The following LIPA variants were observed in gnomAD, a reference collection of about 807,000 sequenced individuals.
The protein encoded by LIPA is lipase A, lysosomal acid type, also known as lysosomal acid lipase/cholesteryl ester hydrolase.
LIPA carries 26 observed loss-of-function variants against 40.6 expected under a neutral mutation model. That is an observed-to-expected ratio of 0.64 (90% CI 0.47 to 0.89). The LOEUF is 0.89. Ranked by LOEUF, LIPA falls within the 40% of genes least tolerant of loss-of-function variation. The pLI, the probability that LIPA is intolerant of heterozygous loss-of-function variation, is 0.00. For missense variants in LIPA, 455 were observed against 479.6 expected, an observed-to-expected ratio of 0.95 and a Z score of 0.48; for synonymous variants, 188 against 168.4, an observed-to-expected ratio of 1.12 and a Z score of -0.90.
At chr10:89,254,092 G>A (rs1843168821), upstream of LIPA, among the ~76,000 whole-genome samples, 1 of 152,192 alleles carries the variant, frequency 6.6e-6, no homozygotes, top group South Asian at 2.1e-4. Flanking sequence ...CTACCATTCT[G>A]GGGTCTGGAG....
At chr10:89,339,181 C>G in intron 1 of LIPA, 1 of 1,614,170 alleles carries the variant, frequency 6.2e-7, no homozygotes, top group Non-Finnish European at 8.5e-7. Context: ...CTCCTCTGGA[C>G]TGGCAATTGC....
rs565296927 is a variant in LIPA, at chr10:89,387,317, C to CAAAAA, written c.61+25469_61+25473dup. On this transcript the variant is annotated intron_variant, in intron 2 of 8. Coordinates refer to the LIPA transcript ENST00000371837. ...TGGGTGACAGAGCAAGACTCCGTCT[C>CAAAAA]AAAAAAAAAAAAAAAAAAATCTATT... is the stretch of plus-strand genomic sequence containing the variant. Among the ~76,000 whole-genome samples, 3 of 83,636 alleles carry CAAAAA rather than the reference C, an allele frequency of 3.6e-5. No individual in the cohort carries two copies. In the East Asian group the frequency reaches 8.5e-4, roughly 24 times the overall value. 54.9% of individuals were successfully genotyped at this position (83,636 alleles called of 152,430 possible).
chr10:89,321,813 C>T (rs1012145725), intron 1 of LIPA, among the ~76,000 whole-genome samples: 6 of 152,140 alleles, frequency 3.9e-5, no homozygotes, highest in Non-Finnish European at 7.4e-5. Context: ...AGACTTGGAA[C>T]CAACCCAAAT....
intron 2 of LIPA, chr10:89,402,815 G>T (rs999825117): frequency 1.2e-6 from 2 of 1,614,090 alleles, no homozygotes; most frequent in Non-Finnish European, 1.7e-6. Context: ...CCAGCGCTGG[G>T]TATGCGATCT....
intron 2 of LIPA, chr10:89,384,190 C>T: frequency 6.2e-7 from 1 of 1,614,140 alleles, no homozygotes; most frequent in Non-Finnish European, 8.5e-7. Context: ...CCAAATGGGG[C>T]TTTGCTACAG....
chr10:89,403,447 A>C, intron 2 of LIPA: 1 of 1,613,860 alleles, frequency 6.2e-7, no homozygotes, highest in Non-Finnish European at 8.5e-7. Flanking sequence ...CAGGAATTTC[A>C]AAAGAAATCT....
chr10:89,370,937 G>C (rs994271942), intron 2 of LIPA, among the ~76,000 whole-genome samples: 3 of 152,214 alleles, frequency 2.0e-5, no homozygotes, highest in Admixed American at 2.0e-4. Flanking sequence ...AGAATTGCTT[G>C]AACCCAGGAG....
chr10:89,250,400 A>G (rs2250398), intron 1 of LIPA, among the ~76,000 whole-genome samples: 89,746 of 151,882 alleles, frequency 0.59, 27,277 homozygotes, highest in South Asian at 0.74. Context: ...ACCGCGCCCG[A>G]CCGTGAACTC....
chr10:89,232,558 G>T (rs1842855126), intron 3 of LIPA, among the ~76,000 whole-genome samples: 1 of 152,206 alleles, frequency 6.6e-6, no homozygotes, highest in Admixed American at 6.5e-5. Flanking sequence ...CTCCTCAGGG[G>T]AGAGTGTCCA....
intron 1 of LIPA, chr10:89,278,363 C>G (rs1425007374): frequency 6.6e-6 from 1 of 152,220 alleles, no homozygotes; most frequent in African/African-American, 2.4e-5. Context: ...AAACATGATT[C>G]AGGAGGTAAT....
chr10:89,238,789 A>G (rs369974930), intron 3 of LIPA, among the ~76,000 whole-genome samples: 2 of 152,238 alleles, frequency 1.3e-5, no homozygotes, highest in Non-Finnish European at 2.9e-5. Context: ...TACATATAAC[A>G]TATAAAATAT....
chr10:89,351,041 C>T (rs1375284899), intron 2 of LIPA, among the ~76,000 whole-genome samples: 4 of 152,184 alleles, frequency 2.6e-5, no homozygotes, highest in Admixed American at 1.3e-4. Context: ...CTGAGCCAGG[C>T]GCAGTGGCTC....
intron 1 of LIPA, among the ~76,000 whole-genome samples, chr10:89,248,525 A>G (rs1208079034): frequency 1.3e-5 from 2 of 149,066 alleles, no homozygotes; most frequent in Non-Finnish European, 3.0e-5. Context: ...CCCAGGCTGG[A>G]GTGCAGTGGC....
intron 2 of LIPA, among the ~76,000 whole-genome samples, 145 bp downstream of exon 2, chr10:89,247,379 CAAAAAAAAAAAAAA>C (rs71022556): frequency 4.0e-5 from 3 of 75,450 alleles, no homozygotes; most frequent in Admixed American, 3.4e-4. Flanking sequence ...GACTCTGCCT[CAAAAAAAAAAAAAA>C]AAAAAAAAAA....
Position 89,381,265 on chromosome 10 carries a change from C to T in LIPA, c.61+31526G>A, listed in dbSNP as rs377556683. On this transcript the variant is annotated intron_variant, in intron 2 of 8. Transcript: ENST00000371837. ...TGTTCTCATCATAGCACAAGCTCCA[C>T]GGGGCATGAGTGGACGATTTGGGTC... Among the ~76,000 whole-genome samples, 16 of 152,260 alleles carry T rather than the reference C, an allele frequency of 1.1e-4. No individual in the cohort carries two copies. The East Asian group carries it at 2.1e-3, about 20-fold the overall frequency.
rs146541975 is a variant in LIPA, at chr10:89,375,628, G to A, written c.61+37163C>T. On this transcript the variant is annotated intron_variant, in intron 2 of 8. Coordinates refer to the LIPA transcript ENST00000371837. ...TTTGCTCAACCCCAGATGGAACAAT[G>A]TTTGACTAACAATCATTCTTCCCTT... 4.7e-3 allele frequency among the ~76,000 whole-genome samples: 716 copies of A among 152,280 alleles called. 2 individuals carry two copies. Among genetic ancestry groups the A allele is most frequent in the South Asian group, 0.021 (102 of 4,820 alleles).
chr10:89,352,932 A>G (rs1843967883), intron 2 of LIPA, among the ~76,000 whole-genome samples: 1 of 152,188 alleles, frequency 6.6e-6, no homozygotes, highest in Non-Finnish European at 1.5e-5. Context: ...TGTCTTCACC[A>G]GTACAGGACA....
intron 1 of LIPA, among the ~76,000 whole-genome samples, chr10:89,277,574 G>C (rs1843295117): frequency 6.6e-6 from 1 of 152,180 alleles, no homozygotes. Flanking sequence ...GATCCATAAA[G>C]ATAAATGGAT....
chr10:89,412,703 A>ACTCCGGACGCGC (rs1375088467), intron 2 of LIPA: 11 of 429,232 alleles, frequency 2.6e-5, no homozygotes, highest in Non-Finnish European at 3.7e-5. Flanking sequence ...GGAACGAACA[A>ACTCCGGACGCGC]CTCCGGACGC....
Sources: gnomAD v4.1 joint callset for allele counts (sites outside exome capture counted in the v4.1 genomes callset) on GRCh38, gnomAD v4.1.1 for gene constraint, MANE v1.5 for transcripts, NCBI Gene and HGNC (gene_info 2026-07-23, HGNC 2026-07-21) for gene names.